MYH14: variants seen among roughly 807,000 people sequenced by gnomAD.
The protein encoded by MYH14 is myosin-14.
Under a neutral mutation model 255.5 loss-of-function variants are expected in MYH14, and 123 were observed. That is an observed-to-expected ratio of 0.48 (90% CI 0.42 to 0.56). The LOEUF (loss-of-function observed/expected upper bound fraction) is 0.56. Ranked by LOEUF, MYH14 falls within the 20% of genes least tolerant of loss-of-function variation. The probability of loss-of-function intolerance (pLI) is 0.00; values close to 1 mark genes in which losing one functional copy is unlikely to be tolerated. For missense variants in MYH14, 2,423 were observed against 2,802.3 expected (o/e 0.86, Z 3.06); for synonymous variants, 1,095 against 1,161.2 (o/e 0.94, Z 1.16).
intron 3 of MYH14, 127 bp from the exon 4 acceptor site, chr19:50,222,956 A>C (rs1353989679): frequency 6.3e-6 from 6 of 951,396 alleles, no homozygotes; most frequent in Non-Finnish European, 1.0e-5. Flanking sequence ...ATTGTTACAC[A>C]TCAAGACCCA....
At chr19:50,223,435 C>A in intron 5 of MYH14, 86 bp downstream of exon 5, 1 of 963,682 alleles carries the variant, frequency 1.0e-6, no homozygotes, top group Non-Finnish European at 1.6e-6. Context: ...TTGTCTCTTC[C>A]CCTCATGGAG....
intron 15 of MYH14, among the ~76,000 whole-genome samples, chr19:50,251,710 T>G (rs1261381916): frequency 6.6e-6 from 1 of 152,094 alleles, no homozygotes; most frequent in Non-Finnish European, 1.5e-5. Context: ...CCCCAGTAGC[T>G]GGGATTACAG....
intron 10 of MYH14, among the ~76,000 whole-genome samples, chr19:50,239,532 C>A (rs150416848): frequency 6.6e-6 from 1 of 152,220 alleles, no homozygotes; most frequent in South Asian, 2.1e-4. Flanking sequence ...CTCCCACCCC[C>A]ACTCACACAC....
intron 1 of MYH14, among the ~76,000 whole-genome samples, chr19:50,208,646 A>G (rs537083562): frequency 4.7e-4 from 72 of 152,308 alleles, no homozygotes; most frequent in Admixed American, 3.1e-3. Flanking sequence ...GTAATGTAAC[A>G]TTTTCTAGTA....
At position 50,257,343 on chromosome 19, in the gene MYH14, GGCCCACCAGGTGGCC is replaced by G; in HGVS notation, c.2094_2108del (p.Pro699_Pro703del). 1 of 1,609,470 alleles carries G rather than the reference GGCCCACCAGGTGGCC, an allele frequency of 6.2e-7. No individual in the cohort carries two copies. Among genetic ancestry groups the G allele is most frequent in the Non-Finnish European group, 8.5e-7 (1 of 1,177,822 alleles). ...GGAACAGGTGAGCAGCCTGGGCGAC[GGCCCACCAGGTGGCC>G]GCCCCCGTCGGGGTATGTTCCGGAC... On this transcript the variant is annotated inframe_deletion, in exon 18 of 43. Transcript: ENST00000642316.
rs1280116621 is a variant in MYH14 at position 50,252,986 on chromosome 19, A to C, written c.1945+233A>C. 1.3e-5 allele frequency among the ~76,000 whole-genome samples: 2 copies of C among 152,220 alleles called. No individual in the cohort carries two copies. Among genetic ancestry groups the C allele is most frequent in the African/African-American group, 4.8e-5 (2 of 41,454 alleles). On this transcript the variant is annotated intron_variant, in intron 16 of 42. Coordinates refer to ENST00000642316, the MANE Select transcript of MYH14 (RefSeq NM_001145809.2). This position sits in a 1 kb window ranked among gnomAD's most constrained non-coding sequence, Gnocchi z 4.2. ...CCAGCATCCTTCTCAAGGATAAAGC[A>C]CTCCGCCTTAATCAGAAACGTGGCA...
intron 40 of MYH14, among the ~76,000 whole-genome samples, chr19:50,303,892 GT>G (rs2036573419): frequency 6.6e-6 from 1 of 152,156 alleles, no homozygotes; most frequent in African/African-American, 2.4e-5. Context: ...AACATTCCTA[GT>G]TGAGAACTGC....
intron 39 of MYH14, among the ~76,000 whole-genome samples, chr19:50,296,321 G>T (rs548411251): frequency 1.8e-4 from 28 of 152,030 alleles, no homozygotes; most frequent in African/African-American, 6.8e-4. Flanking sequence ...AAAGAAACTG[G>T]GGCTGGCTGG....
At chr19:50,272,814 G>T in intron 27 of MYH14, 83 bp downstream of exon 27, 1 of 1,399,946 alleles carries the variant, frequency 7.1e-7, no homozygotes, top group Non-Finnish European at 9.7e-7. Context: ...AGAAGCTCCT[G>T]GGTACAAACC....
chr19:50,259,470 A>G (rs927946294), intron 19 of MYH14, among the ~76,000 whole-genome samples: 4 of 152,250 alleles, frequency 2.6e-5, no homozygotes, highest in Non-Finnish European at 5.9e-5. Context: ...CCTGAGAGAA[A>G]GCACACAGAG....
intron 39 of MYH14, among the ~76,000 whole-genome samples, chr19:50,295,026 T>TAAAA (rs373838791): frequency 1.0e-3 from 147 of 141,872 alleles, no homozygotes; most frequent in South Asian, 4.8e-3. Context: ...TTTTTTTTTT[T>TAAAA]AAAAACAGGC....
At chr19:50,245,622 C>T (rs1205109811) in intron 11 of MYH14, among the ~76,000 whole-genome samples, 3 of 152,082 alleles carry the variant, frequency 2.0e-5, no homozygotes, top group Non-Finnish European at 4.4e-5. Flanking sequence ...CCCCTCTTCC[C>T]CTGGAGACAG....
intron 8 of MYH14, among the ~76,000 whole-genome samples, chr19:50,229,400 C>A (rs1261375136): frequency 1.3e-5 from 2 of 152,142 alleles, no homozygotes; most frequent in Non-Finnish European, 1.5e-5. Context: ...GTAATCCCAG[C>A]ACTTTGGGAG....
intron 10 of MYH14, among the ~76,000 whole-genome samples, chr19:50,240,011 C>G (rs958002294): frequency 6.6e-6 from 1 of 152,154 alleles, no homozygotes; most frequent in Non-Finnish European, 1.5e-5. Context: ...ACCAGCACCC[C>G]CTCAAGGTAA....
At chr19:50,207,267 G>GAC (rs1568458335) in intron 1 of MYH14, among the ~76,000 whole-genome samples, 1 of 121,108 alleles carries the variant, frequency 8.3e-6, no homozygotes, top group East Asian at 4.2e-4. Context: ...AAGAGAGAGA[G>GAC]AGACAGAGAG....
intron 7 of MYH14, 112 bp from the exon 8 acceptor site, chr19:50,226,791 G>A (rs981283810): frequency 2.6e-5 from 13 of 504,132 alleles, no homozygotes; most frequent in Admixed American, 7.1e-5. Context: ...GCAAGGAAGT[G>A]GGGGGGCAGC....
chr19:50,238,671 C>T (rs1170047977), intron 10 of MYH14, among the ~76,000 whole-genome samples: 2 of 152,080 alleles, frequency 1.3e-5, no homozygotes, highest in South Asian at 2.1e-4. Flanking sequence ...AGGCTGGTCT[C>T]GAACTCCTGA....
chr19:50,268,714 C>T (rs551044992), intron 24 of MYH14, among the ~76,000 whole-genome samples: 5 of 151,744 alleles, frequency 3.3e-5, no homozygotes, highest in Admixed American at 6.6e-5. Flanking sequence ...TAAGTGATGT[C>T]CTCAGCTTCA....
chr19:50,230,050 G>A lies in MYH14; in HGVS notation c.875-475G>A, dbSNP rs1263821600. Reference sequence around the variant, plus strand: ...CTGCCTCAGCCTCCCAAGCAGCTGAGATTACAGGCACCCGCGATCACACCT... The same window carrying A: ...CTGCCTCAGCCTCCCAAGCAGCTGAAATTACAGGCACCCGCGATCACACCT... On this transcript the variant is annotated intron_variant, in intron 8 of 42. Transcript: ENST00000642316. This position sits in a 1 kb window ranked among gnomAD's most constrained non-coding sequence, Gnocchi z 4.7. Among the ~76,000 whole-genome samples the A allele has an allele frequency of 1.3e-5, 2 of 152,144 alleles. No individual in the cohort carries two copies. Among genetic ancestry groups the A allele is most frequent in the East Asian group, 3.8e-4 (2 of 5,198 alleles).
Sources: allele counts gnomAD v4.1 joint callset (sites outside exome capture counted in the v4.1 genomes callset), GRCh38; gene constraint gnomAD v4.1.1; non-coding constraint Gnocchi (gnomAD v3.1); transcripts MANE v1.5; gene names NCBI Gene and HGNC (gene_info 2026-07-23, HGNC 2026-07-21).